Variants in ACSBG2 observed in about 807,000 individuals in gnomAD.
The protein encoded by ACSBG2 is long-chain-fatty-acid--CoA ligase ACSBG2.
A neutral mutation model predicts 74.7 loss-of-function variants in ACSBG2; 62 were observed. The observed-to-expected ratio is 0.83, with a 90% CI of 0.68 to 1.03. The LOEUF (loss-of-function observed/expected upper bound fraction) is 1.03. ACSBG2 is among the 50% of genes least tolerant of loss of function. The pLI is 0.00. For missense variants in ACSBG2, 730 were observed against 817.6 expected, an observed-to-expected ratio of 0.89 and a Z score of 1.31; for synonymous variants, 309 against 294.1, an observed-to-expected ratio of 1.05 and a Z score of -0.52.
chr19:6,187,710 C>G lies in ACSBG2; in HGVS notation c.1792C>G (p.Gln598Glu). ...ATCCACCGTGACTGAGATTGTGAAG[C>G]AGCAAGACCCCCTGGTCTACAAGGC... ...QASTVTEIVK[Q>E]QDPLVYKAIQ... Residue 598 changes from glutamine to glutamate, a missense_variant, in exon 13 of 15, where the codon CAG becomes GAG. Transcript: ENST00000588485. 1 of 1,614,166 alleles carries G rather than the reference C, an allele frequency of 6.2e-7. No homozygotes were observed. Among genetic ancestry groups the G allele is most frequent in the Non-Finnish European group, 8.5e-7 (1 of 1,180,032 alleles).
chr19:6,145,255 G>C (rs1166830858), intron 2 of ACSBG2, among the ~76,000 whole-genome samples: 2 of 152,068 alleles, frequency 1.3e-5, no homozygotes, highest in Non-Finnish European at 2.9e-5. Context: ...AATTAGCTGG[G>C]TGTGGTGGTG....
intron 4 of ACSBG2, among the ~76,000 whole-genome samples, chr19:6,153,911 A>G (rs2089323742): frequency 6.6e-6 from 1 of 151,520 alleles, no homozygotes; most frequent in South Asian, 2.1e-4. Flanking sequence ...GAAGGAAAAG[A>G]AAAAAGAAAA....
rs2089070465 is a variant in ACSBG2 at position 6,147,350 on chromosome 19, C to T, written c.68-96C>T. The T allele has an allele frequency of 6.5e-6, 6 of 929,212 alleles. No individual in the cohort carries two copies. The East Asian group carries it at 7.8e-5, about 12-fold the overall frequency. The allele number at this position is 929,212 out of a possible 1,614,324, so 57.6% of individuals were successfully genotyped here. On this transcript the variant is annotated intron_variant, in intron 2 of 14. Transcript: ENST00000588485. ...CCTAGAAGGGGATTAATTCAACTCT[C>T]AGCACCTTAGGTCCAAAAAGACACC...
intron 1 of ACSBG2, among the ~76,000 whole-genome samples, chr19:6,136,387 C>T (rs954019395): frequency 6.6e-6 from 1 of 151,272 alleles, no homozygotes; most frequent in African/African-American, 2.4e-5. Context: ...CCGCCATACT[C>T]GGCCTAATTT....
In ACSBG2 at chr19:6,174,284, G is replaced by C. The variant is rs912218414; in HGVS notation, c.739-2945G>C. Among the ~76,000 whole-genome samples, 1 of 152,130 alleles carries C rather than the reference G, an allele frequency of 6.6e-6. No individual in the cohort carries two copies. The highest frequency in any genetic ancestry group is 2.4e-5 in the African/African-American group (1 of 41,424). On this transcript the variant is annotated intron_variant, in intron 7 of 14. Transcript: ENST00000588485. This position sits in a 1 kb window ranked among gnomAD's most constrained non-coding sequence, Gnocchi z 4.2. ...TGGTGGCTGACTCTCCCAACAGCAAGTGGTCCCAAAGATTTGTCAGTCCCA... is the reference window on the plus strand; with the variant it reads ...TGGTGGCTGACTCTCCCAACAGCAACTGGTCCCAAAGATTTGTCAGTCCCA...
chr19:6,138,479 A>AGG (rs1357496257), intron 1 of ACSBG2, among the ~76,000 whole-genome samples: 3 of 99,614 alleles, frequency 3.0e-5, no homozygotes, highest in African/African-American at 1.2e-4. Flanking sequence ...GGAGAGAGAG[A>AGG]GGGGAAGGGG....
At chr19:6,169,910 G>C (rs968450607) in intron 7 of ACSBG2, among the ~76,000 whole-genome samples, 2 of 152,144 alleles carry the variant, frequency 1.3e-5, no homozygotes, top group African/African-American at 4.8e-5. Context: ...AAATGCTACT[G>C]ATTTTTGTAC....
In ACSBG2 at chr19:6,187,384, G is replaced by A. The variant is rs374419004; in HGVS notation, c.1642G>A (p.Asp548Asn). Residue 548 changes from aspartate to asparagine, a missense_variant, in exon 12 of 15, where the codon GAT becomes AAT. By Grantham distance (23) the Asp-to-Asn change is conservative. Coordinates refer to ENST00000588485, the MANE Select transcript of ACSBG2 (RefSeq NM_030924.5). ...PIISNAMLVG[D>N]KLKFLSMLLT... ...CATCAGTAACGCCATGTTAGTAGGA[G>A]ATAAACTGAAGTTTCTGAGCATGTT... The A allele has an allele frequency of 1.2e-6, 2 of 1,614,050 alleles. No individual in the cohort carries two copies. Among genetic ancestry groups the A allele is most frequent in the African/African-American group, 1.3e-5 (1 of 74,912 alleles).
intron 6 of ACSBG2, among the ~76,000 whole-genome samples, chr19:6,163,737 A>T (rs552427747): frequency 1.3e-5 from 2 of 149,552 alleles, no homozygotes; most frequent in South Asian, 4.3e-4. Context: ...CCTGGGCGAC[A>T]GAGCAAGACT....
Position 6,183,207 on chromosome 19 carries a change from G to C in ACSBG2, c.1257G>C (p.Leu419Phe). 2 of 1,614,192 alleles carry C rather than the reference G, an allele frequency of 1.2e-6. No homozygotes were observed. The highest frequency in any genetic ancestry group is 1.7e-6 in the Non-Finnish European group (2 of 1,180,040). ...GCTTGGACATACCTATAGGCGAGTTGTATGGGTTGAGTGAGAGCTCGGGAC... is the reference window on the plus strand; with the variant it reads ...GCTTGGACATACCTATAGGCGAGTTCTATGGGTTGAGTGAGAGCTCGGGAC... Reference protein sequence around the residue: ...FLSLDIPIGELYGLSESSGPH... With the variant: ...FLSLDIPIGEFYGLSESSGPH... Residue 419 changes from leucine (L) to phenylalanine (F), a missense_variant, in exon 10 of 15, where the codon TTG becomes TTC. Leu to Phe is a conservative substitution (Grantham distance 22). Transcript: ENST00000588485.
At position 6,165,878 on chromosome 19, in the gene ACSBG2, A is replaced by G; in HGVS notation, c.601A>G (p.Met201Val). The G allele has an allele frequency of 6.2e-7, 1 of 1,614,044 alleles. No homozygotes were observed. Among genetic ancestry groups the G allele is most frequent in the Non-Finnish European group, 8.5e-7 (1 of 1,179,950 alleles). ...NNNLYSWDDFMELGRSIPDTQ... is the reference protein window; with the variant it reads ...NNNLYSWDDFVELGRSIPDTQ... ...TTTCTGTCCACAGTGGGATGATTTC[A>G]TGGAACTTGGCAGAAGTATCCCTGA... The change falls in exon 7 of 15, where the codon ATG becomes GTG. Residue 201 changes from methionine (M) to valine (V), a missense_variant. Met to Val is a conservative substitution (Grantham distance 21, BLOSUM62 1). Transcript: ENST00000588485.
At chr19:6,144,486 A>G (rs2088959086) in intron 2 of ACSBG2, among the ~76,000 whole-genome samples, 1 of 152,206 alleles carries the variant, frequency 6.6e-6, no homozygotes, top group African/African-American at 2.4e-5. Context: ...AACCGCAGCT[A>G]GGAGAAAGTC....
chr19:6,169,885 A>C (rs1448906395), intron 7 of ACSBG2, among the ~76,000 whole-genome samples: 2 of 152,184 alleles, frequency 1.3e-5, no homozygotes, highest in Non-Finnish European at 1.5e-5. Flanking sequence ...CAACTTTAAG[A>C]ATATTGGTAT....
intron 13 of ACSBG2, among the ~76,000 whole-genome samples, chr19:6,189,109 G>A (rs183355466): frequency 3.9e-5 from 6 of 152,124 alleles, no homozygotes; most frequent in Non-Finnish European, 7.4e-5. Flanking sequence ...CTGTAAGTGT[G>A]GCTGATTTTA....
intron 13 of ACSBG2, among the ~76,000 whole-genome samples, chr19:6,188,811 G>A (rs917451284): frequency 6.6e-6 from 1 of 152,124 alleles, no homozygotes; most frequent in African/African-American, 2.4e-5. Flanking sequence ...TAAAGGGGAT[G>A]AAATCATCGG....
intron 6 of ACSBG2, among the ~76,000 whole-genome samples, chr19:6,162,380 C>A (rs1385121068): frequency 6.7e-6 from 1 of 150,250 alleles, no homozygotes; most frequent in African/African-American, 2.4e-5. Flanking sequence ...TCCTGGCTAA[C>A]ACGGTGAAAC....
intron 10 of ACSBG2, among the ~76,000 whole-genome samples, 154 bp downstream of exon 10, chr19:6,183,426 T>G (rs1330088212): frequency 6.6e-6 from 1 of 152,220 alleles, no homozygotes; most frequent in African/African-American, 2.4e-5. Flanking sequence ...TAACTCCGCA[T>G]GACCGTGGGA....
chr19:6,159,189 C>T (rs962683077), intron 5 of ACSBG2, among the ~76,000 whole-genome samples: 1 of 152,222 alleles, frequency 6.6e-6, no homozygotes, highest in African/African-American at 2.4e-5. Context: ...AACTCCTGGC[C>T]TCAAGTGATC....
intron 6 of ACSBG2, among the ~76,000 whole-genome samples, chr19:6,164,827 G>A (rs1005231404): frequency 2.0e-5 from 3 of 152,172 alleles, no homozygotes; most frequent in African/African-American, 4.8e-5. Context: ...ATGCTCAGTC[G>A]ATACAACCCA....
Sources: allele counts gnomAD v4.1 joint callset (sites outside exome capture counted in the v4.1 genomes callset), GRCh38; gene constraint gnomAD v4.1.1; non-coding constraint Gnocchi (gnomAD v3.1); transcripts MANE v1.5; gene names NCBI Gene and HGNC (gene_info 2026-07-23, HGNC 2026-07-21).